Variants in RAP1GDS1 observed in about 807,000 individuals in gnomAD.
The protein encoded by RAP1GDS1 is RAP1, GTP-GDP dissociation stimulator 1.
A neutral mutation model predicts 71.1 loss-of-function variants in RAP1GDS1; 35 were observed. The observed-to-expected ratio is 0.49, with a 90% CI of 0.38 to 0.65. The LOEUF (loss-of-function observed/expected upper bound fraction) is 0.65. Among genes scored for constraint, RAP1GDS1 ranks in the 30% least tolerant of loss-of-function variants. The pLI, the probability that RAP1GDS1 is intolerant of heterozygous loss-of-function variation, is 0.00. For missense variants in RAP1GDS1, 663 were observed against 706.1 expected (o/e 0.94, Z 0.69); for synonymous variants, 229 against 243.1 (o/e 0.94, Z 0.54).
intron 4 of RAP1GDS1, among the ~76,000 whole-genome samples, chr4:98,362,292 C>T (rs544189139): frequency 4.6e-5 from 7 of 152,184 alleles, no homozygotes; most frequent in African/African-American, 1.2e-4. Flanking sequence ...TTAGCCTGGG[C>T]GTCATAGCAA....
At chr4:98,262,944 G>GT (rs1354814731) in intron 1 of RAP1GDS1, among the ~76,000 whole-genome samples, 1 of 152,142 alleles carries the variant, frequency 6.6e-6, no homozygotes, top group Non-Finnish European at 1.5e-5. Context: ...ATTTTCAGTT[G>GT]TTTTTTCTTT....
chr4:98,311,678 C>T (rs997012789), intron 2 of RAP1GDS1, among the ~76,000 whole-genome samples: 1 of 152,112 alleles, frequency 6.6e-6, no homozygotes, highest in Non-Finnish European at 1.5e-5. Context: ...GCTTTGTCAC[C>T]CAGGCTGGAG....
chr4:98,279,593 A>C (rs1724754831), intron 1 of RAP1GDS1, among the ~76,000 whole-genome samples: 1 of 151,946 alleles, frequency 6.6e-6, no homozygotes. Context: ...TATATTTTTG[A>C]CATTATAAAA....
At chr4:98,305,024 T>G (rs1220334810) in intron 2 of RAP1GDS1, among the ~76,000 whole-genome samples, 1 of 152,190 alleles carries the variant, frequency 6.6e-6, no homozygotes, top group Non-Finnish European at 1.5e-5. Context: ...CTTATTGGTC[T>G]GTGTGTCTGT....
chr4:98,346,078 C>T (rs140814470), intron 3 of RAP1GDS1, among the ~76,000 whole-genome samples: 1 of 152,210 alleles, frequency 6.6e-6, no homozygotes, highest in African/African-American at 2.4e-5. Context: ...ATCAGGGACT[C>T]AAGAGTGGGC....
intron 2 of RAP1GDS1, among the ~76,000 whole-genome samples, chr4:98,312,252 T>A (rs897387413): frequency 6.6e-6 from 1 of 152,222 alleles, no homozygotes; most frequent in African/African-American, 2.4e-5. Flanking sequence ...TTCTGTTTCA[T>A]CCTTACCAAA....
At chr4:98,372,214 G>A (rs995906396) in intron 4 of RAP1GDS1, among the ~76,000 whole-genome samples, 7 of 152,078 alleles carry the variant, frequency 4.6e-5, no homozygotes, top group African/African-American at 9.7e-5. Flanking sequence ...CCAGGTTAGC[G>A]TGCTGTGGCG....
intron 3 of RAP1GDS1, among the ~76,000 whole-genome samples, chr4:98,346,971 A>G (rs1560877590): frequency 6.6e-6 from 1 of 152,228 alleles, no homozygotes; most frequent in East Asian, 1.9e-4. Flanking sequence ...TTGTTTTTCA[A>G]AAGAAAAATA....
intron 2 of RAP1GDS1, among the ~76,000 whole-genome samples, chr4:98,305,263 T>G (rs556814360): frequency 2.4e-4 from 36 of 152,310 alleles, no homozygotes; most frequent in African/African-American, 8.2e-4. Context: ...CTTTGGGCAG[T>G]ATGGCCGTTT....
At chr4:98,309,470 A>G (rs1200240634) in intron 2 of RAP1GDS1, among the ~76,000 whole-genome samples, 1 of 151,942 alleles carries the variant, frequency 6.6e-6, no homozygotes, top group Non-Finnish European at 1.5e-5. Context: ...ATATATGTGA[A>G]TATGCATGAC....
intron 2 of RAP1GDS1, among the ~76,000 whole-genome samples, chr4:98,338,446 A>G (rs772449021): frequency 1.3e-5 from 2 of 152,198 alleles, no homozygotes; most frequent in Non-Finnish European, 2.9e-5. Context: ...CCAAAGCAGC[A>G]TAGGGCTAAG....
At chr4:98,352,780 G>T (rs1428038582) in intron 4 of RAP1GDS1, among the ~76,000 whole-genome samples, 179 bp downstream of exon 4, 7 of 152,104 alleles carry the variant, frequency 4.6e-5, no homozygotes, top group Non-Finnish European at 1.0e-4. Flanking sequence ...TCTTATCAAA[G>T]AAATCATAGG....
At chr4:98,394,556 C>T (rs1208159611) in intron 6 of RAP1GDS1, among the ~76,000 whole-genome samples, 5 of 151,958 alleles carry the variant, frequency 3.3e-5, no homozygotes, top group Non-Finnish European at 7.4e-5. Context: ...TTACAGCACC[C>T]GTATGAAGTA....
At chr4:98,399,017 A>G (rs528674463) in intron 6 of RAP1GDS1, among the ~76,000 whole-genome samples, 21 of 152,310 alleles carry the variant, frequency 1.4e-4, no homozygotes, top group African/African-American at 2.6e-4. Context: ...TGCAGATTCA[A>G]TGCAATCCCT....
rs574502676 is a variant in RAP1GDS1 at position 98,418,897 on chromosome 4, A to T, written c.1174+106A>T. On this transcript the variant is annotated intron_variant, in intron 10 of 14. Transcript: ENST00000408927. ...GAACCTGCTCTGATGAAGAAAATTTAAAAAAAAATAGTCTTCACATTGTTC... is the reference window on the plus strand; with the variant it reads ...GAACCTGCTCTGATGAAGAAAATTTTAAAAAAAATAGTCTTCACATTGTTC... 413 of 1,064,612 alleles carry T rather than the reference A, an allele frequency of 3.9e-4. 1 individual carries two copies. The East Asian group carries it at 7.7e-3, about 20-fold the overall frequency. The allele number at this position is 1,064,612 out of a possible 1,614,324, so 65.9% of individuals were successfully genotyped here.
At chr4:98,438,327 T>C (rs760920778) in intron 14 of RAP1GDS1, among the ~76,000 whole-genome samples, 4 of 151,760 alleles carry the variant, frequency 2.6e-5, no homozygotes, top group Non-Finnish European at 4.4e-5. Context: ...CATGATCTTT[T>C]CTCACTCTTT....
intron 4 of RAP1GDS1, among the ~76,000 whole-genome samples, chr4:98,364,401 G>C (rs1367679201): frequency 6.6e-6 from 1 of 152,066 alleles, no homozygotes; most frequent in East Asian, 1.9e-4. Context: ...AGAATCAACA[G>C]CTAAATTGGT....
chr4:98,297,312 G>C (rs17027449), intron 2 of RAP1GDS1, among the ~76,000 whole-genome samples: 22,370 of 151,916 alleles, frequency 0.15, 2,458 homozygotes, highest in African/African-American at 0.31. Flanking sequence ...AGGCTACAAT[G>C]CTAAGCATAC....
At chr4:98,416,334 GTTTTT>G (rs70955932) in intron 7 of RAP1GDS1, among the ~76,000 whole-genome samples, 12 of 51,542 alleles carry the variant, frequency 2.3e-4, no homozygotes, top group Non-Finnish European at 4.2e-4. Flanking sequence ...CATTTTCTTA[GTTTTT>G]TTTTTTTTTT....
Sources: gnomAD v4.1 joint callset for allele counts (sites outside exome capture counted in the v4.1 genomes callset) on GRCh38, gnomAD v4.1.1 for gene constraint, MANE v1.5 for transcripts, NCBI Gene and HGNC (gene_info 2026-07-23, HGNC 2026-07-21) for gene names.